Variants in RNF6 observed in about 807,000 individuals in gnomAD.
The protein encoded by RNF6 is E3 ubiquitin-protein ligase RNF6.
A neutral mutation model predicts 50.1 loss-of-function variants in RNF6; 21 were observed. That is an observed-to-expected ratio of 0.42 (90% CI 0.30 to 0.60). The LOEUF is 0.60. Ranked by LOEUF, RNF6 falls within the 20% of genes least tolerant of loss-of-function variation. The pLI is 0.20. For synonymous variants in RNF6, 255 were observed against 291.8 expected (o/e 0.87, Z 1.29); for missense variants, 698 against 838.2 (o/e 0.83, Z 2.07).
chr13:26,132,491 G>A, intron 5 of RNF6: 1 of 455,328 alleles, frequency 2.2e-6, no homozygotes, highest in Non-Finnish European at 4.4e-6. Flanking sequence ...AAAAGTAGAA[G>A]TTTAATGTAC....
At chr13:26,185,188 G>C (rs1273195005) in intron 5 of RNF6, among the ~76,000 whole-genome samples, 1 of 152,008 alleles carries the variant, frequency 6.6e-6, no homozygotes, top group Non-Finnish European at 1.5e-5. Context: ...TTTTTGTACA[G>C]ATGGGATCTC....
At chr13:26,197,133 C>T (rs1171550196) in intron 5 of RNF6, among the ~76,000 whole-genome samples, 2 of 151,820 alleles carry the variant, frequency 1.3e-5, no homozygotes, top group Non-Finnish European at 2.9e-5. Context: ...TTTGGCCAAA[C>T]TCTAACATGA....
chr13:26,190,211 CA>C (rs1008545157), intron 5 of RNF6, among the ~76,000 whole-genome samples: 6 of 152,214 alleles, frequency 3.9e-5, no homozygotes, highest in South Asian at 4.1e-4. Flanking sequence ...TGACTCAACT[CA>C]GCAGGGAAAG....
intron 5 of RNF6, among the ~76,000 whole-genome samples, chr13:26,179,032 T>C (rs1326751246): frequency 6.6e-6 from 1 of 152,192 alleles, no homozygotes; most frequent in African/African-American, 2.4e-5. Context: ...TGTGCACTGG[T>C]GTTAATTCCT....
chr13:26,221,373 C>A (rs17436547), intron 1 of RNF6, 43 bp from the exon 2 acceptor site: 62,193 of 152,094 alleles, frequency 0.41, 14,376 homozygotes, highest in Middle Eastern at 0.52. Flanking sequence ...TAAACTGTTT[C>A]TTTAAAGGCC....
chr13:26,214,021 G>GTGCCTGGTGGAAATCAATA lies in RNF6; in HGVS notation c.1860_1861insTATTGATTTCCACCAGGCA (p.His621TyrfsTer2), dbSNP rs1375237294. The GTGCCTGGTGGAAATCAATA allele has an allele frequency of 6.2e-7, 1 of 1,614,048 alleles. No individual in the cohort carries two copies. Among genetic ancestry groups the GTGCCTGGTGGAAATCAATA allele is most frequent in the African/African-American group, 1.3e-5 (1 of 74,898 alleles). On this transcript the variant is annotated stop_gained and frameshift_variant, in exon 5 of 5. Coordinates refer to ENST00000381588, the MANE Select transcript of RNF6 (RefSeq NM_005977.4). LOFTEE classifies it high-confidence loss of function. Reference sequence around the variant, plus strand: ...CCTAGTTCACTATCAATACTGTTATGCTCATAGTGCCTGGTGGAAAGATTG... The same window carrying GTGCCTGGTGGAAATCAATA: ...CCTAGTTCACTATCAATACTGTTATGTGCCTGGTGGAAATCAATACTCATAGTGCCTGGTGGAAAGATTG...
intron 5 of RNF6, among the ~76,000 whole-genome samples, chr13:26,153,338 A>G (rs775763857): frequency 6.6e-5 from 10 of 151,920 alleles, no homozygotes; most frequent in Non-Finnish European, 7.4e-5. Context: ...CTCAGCCTCC[A>G]GAGTAGCTGA....
chr13:26,171,119 C>T (rs945123601), intron 5 of RNF6, among the ~76,000 whole-genome samples: 2 of 151,990 alleles, frequency 1.3e-5, no homozygotes, highest in Non-Finnish European at 2.9e-5. Context: ...AATGGAAAGA[C>T]AACAGAATGG....
chr13:26,212,759 T>C (rs945011783), downstream of RNF6: 2 of 151,512 alleles, frequency 1.3e-5, no homozygotes, highest in African/African-American at 4.9e-5. Context: ...CAGAAAAACA[T>C]AGTTCACATA....
chr13:26,154,022 G>A (rs1206478082), intron 5 of RNF6: 1 of 152,182 alleles, frequency 6.6e-6, no homozygotes, highest in Non-Finnish European at 1.5e-5. Flanking sequence ...TCTTACGAGT[G>A]TTTCCTTAAA....
At chr13:26,160,943 T>C (rs928014209) in intron 5 of RNF6, among the ~76,000 whole-genome samples, 1 of 152,152 alleles carries the variant, frequency 6.6e-6, no homozygotes, top group African/African-American at 2.4e-5. Flanking sequence ...GGGCTGACTT[T>C]AATGGACTCA....
At chr13:26,137,537 C>A (rs1343959670) in intron 5 of RNF6, among the ~76,000 whole-genome samples, 1 of 151,198 alleles carries the variant, frequency 6.6e-6, no homozygotes, top group Non-Finnish European at 1.5e-5. Flanking sequence ...TTAGACAGAA[C>A]TTTTTATCAG....
intron 1 of RNF6, chr13:26,221,587 C>G (rs1259679858): frequency 2.0e-5 from 3 of 152,298 alleles, no homozygotes; most frequent in South Asian, 2.1e-4. Flanking sequence ...TCTCAAAGGC[C>G]TTCCTTCCTA....
At chr13:26,173,946 T>A (rs1872824470) in intron 5 of RNF6, among the ~76,000 whole-genome samples, 2 of 63,270 alleles carry the variant, frequency 3.2e-5, no homozygotes, top group Admixed American at 1.9e-4. Context: ...CGAGACTCCG[T>A]CTCAAAAAAA....
chr13:26,156,403 A>G (rs144205105), intron 5 of RNF6, among the ~76,000 whole-genome samples: 52 of 152,354 alleles, frequency 3.4e-4, no homozygotes, highest in African/African-American at 1.1e-3. Context: ...GAAACGACAG[A>G]CACAAAATGG....
At chr13:26,204,524 GAAAGAA>G (rs1869027536) in intron 5 of RNF6, among the ~76,000 whole-genome samples, 1 of 146,432 alleles carries the variant, frequency 6.8e-6, no homozygotes, top group Admixed American at 6.8e-5. Flanking sequence ...AAGAAAGAAA[GAAAGAA>G]AAAGAAAAAA....
exon 6 of RNF6, chr13:26,132,337 G>T (rs1051248002): frequency 4.9e-6 from 2 of 412,346 alleles, no homozygotes; most frequent in African/African-American, 2.1e-5. Flanking sequence ...TACCCCTTAG[G>T]CTCCAGGTTC....
intron 5 of RNF6, among the ~76,000 whole-genome samples, chr13:26,135,031 A>T (rs1870580676): frequency 6.6e-6 from 1 of 152,168 alleles, no homozygotes; most frequent in African/African-American, 2.4e-5. Flanking sequence ...TACTAAGAAA[A>T]CTAATAAGGC....
At chr13:26,143,031 T>C (rs796290283) in intron 5 of RNF6, among the ~76,000 whole-genome samples, 15 of 152,276 alleles carry the variant, frequency 9.9e-5, no homozygotes, top group African/African-American at 3.6e-4. Context: ...TTCTGTAACT[T>C]GTCATGTGGT....
Sources: allele counts gnomAD v4.1 joint callset (sites outside exome capture counted in the v4.1 genomes callset), GRCh38; gene constraint gnomAD v4.1.1; transcripts MANE v1.5; gene names NCBI Gene and HGNC (gene_info 2026-07-23, HGNC 2026-07-21).